The following NPL variants were observed in gnomAD, a reference collection of about 807,000 sequenced individuals.
The protein encoded by NPL is N-acetylneuraminate pyruvate lyase.
NPL carries 32 observed loss-of-function variants against 41.1 expected under a neutral mutation model. That is an observed-to-expected ratio of 0.78 (90% CI 0.59 to 1.05). The LOEUF is 1.05. NPL is among the 50% of genes least tolerant of loss of function. The pLI is 0.00. For synonymous variants in NPL, 128 were observed against 134.9 expected, an observed-to-expected ratio of 0.95 and a Z score of 0.35; for missense variants, 321 against 378.4, an observed-to-expected ratio of 0.85 and a Z score of 1.26.
rs758017325 is a variant in NPL at position 182,812,214 on chromosome 1, G to C, written c.288+1G>C. The stretch of plus-strand genomic sequence containing the variant: ...GAGCTTGAAGGAGTCACAGGAACTG[G>C]TATGTATGCAGTTCCATCTGGGAGA... On this transcript the variant is annotated splice_donor_variant, in intron 6 of 12. Coordinates refer to ENST00000367553, the MANE Select transcript of NPL (RefSeq NM_030769.3). LOFTEE classifies it high-confidence loss of function. The C allele has an allele frequency of 3.7e-6, 6 of 1,612,436 alleles. No individual in the cohort carries two copies. In the South Asian group the frequency reaches 6.6e-5, roughly 18 times the overall value.
Position 182,829,328 on chromosome 1 carries a change from A to T in NPL, c.*420A>T. On this transcript the variant is annotated 3_prime_UTR_variant, in exon 13 of 13. Coordinates refer to ENST00000367553, the MANE Select transcript of NPL (RefSeq NM_030769.3). Reference sequence around the variant, plus strand: ...TCATTTGGAATCTAGGAAAACTCTGAGCTACTGCATTTAGGCAGGCACTTT... The same window carrying T: ...TCATTTGGAATCTAGGAAAACTCTGTGCTACTGCATTTAGGCAGGCACTTT... 3.3e-6 allele frequency: 4 copies of T among 1,225,062 alleles called. No individual in the cohort carries two copies. The South Asian group carries it at 9.1e-5, about 28-fold the overall frequency. The allele number at this position is 1,225,062 out of a possible 1,614,324, so 75.9% of individuals were successfully genotyped here.
intron 5 of NPL, chr1:182,809,293 C>G (rs914697021): frequency 4.8e-6 from 2 of 413,846 alleles, no homozygotes; most frequent in African/African-American, 4.2e-5. Flanking sequence ...AATCCCAGCA[C>G]TTTGGGAGGC....
At chr1:182,799,962 T>C (rs1480085749) in intron 3 of NPL, among the ~76,000 whole-genome samples, 2 of 152,186 alleles carry the variant, frequency 1.3e-5, no homozygotes, top group East Asian at 3.9e-4. Flanking sequence ...TTCAAGTGAA[T>C]TGACTTCTGT....
At chr1:182,807,694 A>G (rs1216199464) in intron 5 of NPL, among the ~76,000 whole-genome samples, 151 of 145,028 alleles carry the variant, frequency 1.0e-3, no homozygotes, top group African/African-American at 3.1e-3. Context: ...GGCTAACAGG[A>G]TGAAACCCCG....
intron 5 of NPL, among the ~76,000 whole-genome samples, chr1:182,810,460 C>T (rs938954993): frequency 1.3e-5 from 2 of 152,174 alleles, no homozygotes; most frequent in African/African-American, 2.4e-5. Context: ...CAGTATCATA[C>T]CTATCTTCAT....
Position 182,829,237 on chromosome 1 carries a change from T to A in NPL, c.*329T>A. ...AGCTCTCATTATCTCGGTCTCTGGT[T>A]CCTAATCCTATTTTAAAGTTGTCTA... On this transcript the variant is annotated 3_prime_UTR_variant, in exon 13 of 13. Coordinates refer to ENST00000367553, the MANE Select transcript of NPL (RefSeq NM_030769.3). The A allele has an allele frequency of 2.5e-6, 3 of 1,202,688 alleles. No individual in the cohort carries two copies. The highest frequency in any genetic ancestry group is 3.1e-6 in the Non-Finnish European group (3 of 965,810). The allele number at this position is 1,202,688 out of a possible 1,614,324, so 74.5% of individuals were successfully genotyped here.
rs760045881 is a variant in NPL, at chr1:182,816,792, T to C, written c.443T>C (p.Leu148Ser). The change falls in exon 8 of 13, where the codon TTG becomes TCG. Residue 148 changes from leucine to serine, a missense_variant. By Grantham distance (145) the Leu-to-Ser change is moderately radical. Coordinates refer to ENST00000367553, the MANE Select transcript of NPL (RefSeq NM_030769.3). ...LPFYYYHIPA[L>S]TGVKIRAEEL... ...TTTTATTACTATCACATTCCTGCCT[T>C]GACAGGGGTAAAGAGTAAGTACTGC... The C allele has an allele frequency of 1.2e-6, 2 of 1,612,490 alleles. No homozygotes were observed. The highest frequency in any genetic ancestry group is 4.5e-5 in the East Asian group (2 of 44,884).
Position 182,829,281 on chromosome 1 carries a change from A to G in NPL, c.*373A>G, listed in dbSNP as rs1667708158. 2.2e-5 allele frequency: 26 copies of G among 1,188,392 alleles called. No individual in the cohort carries two copies. In the South Asian group the frequency reaches 5.7e-4, roughly 26 times the overall value. The allele number at this position is 1,188,392 out of a possible 1,614,324, so 73.6% of individuals were successfully genotyped here. ...TTGTCTAATTTTAAACCACTATAAT[A>G]TGTCTTCATTTTAATAAATATTCAT... On this transcript the variant is annotated 3_prime_UTR_variant, in exon 13 of 13. Transcript: ENST00000367553.
chr1:182,824,395 T>G (rs1667573484), intron 11 of NPL, among the ~76,000 whole-genome samples: 1 of 152,236 alleles, frequency 6.6e-6, no homozygotes, highest in Non-Finnish European at 1.5e-5. Context: ...AAAATTTTAT[T>G]CTACATTTTA....
At chr1:182,790,381 C>A (rs1012941193) in intron 1 of NPL, among the ~76,000 whole-genome samples, 7 of 152,194 alleles carry the variant, frequency 4.6e-5, no homozygotes, top group Non-Finnish European at 1.0e-4. Flanking sequence ...AATACCCCCT[C>A]CCAATGTTTC....
intron 2 of NPL, 61 bp downstream of exon 2, chr1:182,792,347 C>T (rs567468724): frequency 6.6e-6 from 1 of 152,300 alleles, no homozygotes; most frequent in Non-Finnish European, 1.5e-5. Context: ...GCCCTCTCAC[C>T]CCTCTACAGT....
intron 3 of NPL, 104 bp from the exon 4 acceptor site, chr1:182,803,594 T>C: frequency 1.3e-6 from 1 of 788,258 alleles, no homozygotes; most frequent in Admixed American, 2.0e-5. Flanking sequence ...TTGAGTGGAT[T>C]TTTAATAACT....
Position 182,812,226 on chromosome 1 carries a change from T to G in NPL, c.288+13T>G. 6.2e-7 allele frequency: 1 copy of G among 1,612,098 alleles called. No homozygotes were observed. The highest frequency in any genetic ancestry group is 1.3e-5 in the African/African-American group (1 of 75,014). On this transcript the variant is annotated intron_variant, in intron 6 of 12. Coordinates refer to ENST00000367553, the MANE Select transcript of NPL (RefSeq NM_030769.3). The stretch of plus-strand genomic sequence containing the variant: ...GTCACAGGAACTGGTATGTATGCAG[T>G]TCCATCTGGGAGAGACCATTCAAGG...
chr1:182,793,186 C>A (rs1666564262), intron 2 of NPL, among the ~76,000 whole-genome samples: 1 of 152,070 alleles, frequency 6.6e-6, no homozygotes, highest in Non-Finnish European at 1.5e-5. Context: ...CTTTTTATGT[C>A]TTATAGCTCA....
At chr1:182,807,890 C>CAAAAA (rs61314915) in intron 5 of NPL, among the ~76,000 whole-genome samples, 1 of 56,256 alleles carries the variant, frequency 1.8e-5, no homozygotes, top group African/African-American at 6.3e-5. Context: ...GACTCCATCT[C>CAAAAA]AAAAAAAAAA....
chr1:182,811,600 C>T (rs762167488), intron 5 of NPL, among the ~76,000 whole-genome samples: 3 of 152,046 alleles, frequency 2.0e-5, no homozygotes, highest in Non-Finnish European at 4.4e-5. Flanking sequence ...GTATATAAGA[C>T]GAATTTCTAC....
intron 4 of NPL, among the ~76,000 whole-genome samples, chr1:182,804,296 T>C (rs932364589): frequency 1.3e-5 from 2 of 152,084 alleles, no homozygotes; most frequent in African/African-American, 4.8e-5. Flanking sequence ...CCTGGCTAAT[T>C]TTTGTATTTT....
At chr1:182,793,587 G>A (rs1042727202) in intron 2 of NPL, among the ~76,000 whole-genome samples, 1 of 152,160 alleles carries the variant, frequency 6.6e-6, no homozygotes. Context: ...TGGGGAAGAG[G>A]GAGGTGAATA....
chr1:182,816,826 A>G lies in NPL; in HGVS notation c.457+20A>G. 1 of 1,565,494 alleles carries G rather than the reference A, an allele frequency of 6.4e-7. No homozygotes were observed. The highest frequency in any genetic ancestry group is 1.1e-5 in the South Asian group (1 of 90,120). On this transcript the variant is annotated intron_variant, in intron 8 of 12. Transcript: ENST00000367553. ...TAAAGAGTAAGTACTGCTTCTGTTG[A>G]TCTTTCTTTCCTTCCAACTCTCACA...
Sources: allele counts gnomAD v4.1 joint callset (sites outside exome capture counted in the v4.1 genomes callset), GRCh38; gene constraint gnomAD v4.1.1; transcripts MANE v1.5; gene names NCBI Gene and HGNC (gene_info 2026-07-23, HGNC 2026-07-21).